TLN2: variants seen among roughly 807,000 people sequenced by gnomAD.
TLN2 encodes talin 2.
A neutral mutation model predicts 294.7 loss-of-function variants in TLN2; 118 were observed. The observed-to-expected ratio is 0.40, with a 90% CI of 0.34 to 0.47. The LOEUF is 0.47. TLN2 is among the 20% of genes least tolerant of loss of function. The pLI, the probability that TLN2 is intolerant of heterozygous loss-of-function variation, is 0.84. For synonymous variants in TLN2, 1,431 were observed against 1,304.5 expected (o/e 1.10, Z -2.09); for missense variants, 3,083 against 3,282.2 (o/e 0.94, Z 1.48).
chr15:62,650,119 C>T lies in TLN2; in HGVS notation c.172C>T (p.Pro58Ser), dbSNP rs368922521. The change falls in exon 5 of 59, where the codon CCG (proline) becomes TCG (serine). Residue 58 changes from proline to serine, a missense_variant. Transcript: ENST00000636159. ...DYGLFLSDED[P>S]RKGIWLEAGR... is the part of the protein sequence containing the mutation. ...TGGACTCTTTCTTTCGGATGAAGAC[C>T]CGAGGAAAGGGATTTGGCTGGAAGC... 58 of 1,614,036 alleles carry T rather than the reference C, an allele frequency of 3.6e-5. No homozygotes were observed. The African/African-American group carries it at 6.3e-4, about 17-fold the overall frequency.
At chr15:62,710,765 G>A (rs1168670102) in intron 21 of TLN2, among the ~76,000 whole-genome samples, 30 of 24,832 alleles carry the variant, frequency 1.2e-3, no homozygotes, top group Non-Finnish European at 6.0e-3. Flanking sequence ...TTGCTCTGTT[G>A]CCCAGGCTGG....
At chr15:62,778,495 A>G (rs2063877034) in intron 43 of TLN2, among the ~76,000 whole-genome samples, 1 of 152,212 alleles carries the variant, frequency 6.6e-6, no homozygotes, top group African/African-American at 2.4e-5. Flanking sequence ...GGGAGAAGAT[A>G]TTTTTCAGTA....
At chr15:62,529,509 C>G (rs1278588184) in intron 1 of TLN2, among the ~76,000 whole-genome samples, 2 of 151,404 alleles carry the variant, frequency 1.3e-5, no homozygotes, top group African/African-American at 4.9e-5. Flanking sequence ...CAATCCCTGC[C>G]CCTCCCTTGC....
chr15:62,669,385 A>G (rs1306783247), intron 9 of TLN2, among the ~76,000 whole-genome samples: 1 of 152,010 alleles, frequency 6.6e-6, no homozygotes, highest in African/African-American at 2.4e-5. Flanking sequence ...CGAACTTTCA[A>G]CCTCTCATGG....
chr15:62,820,626 T>A lies in TLN2; in HGVS notation c.7002+16T>A. 6.2e-7 allele frequency: 1 copy of A among 1,610,306 alleles called. No individual in the cohort carries two copies. Among genetic ancestry groups the A allele is most frequent in the Non-Finnish European group, 8.5e-7 (1 of 1,177,768 alleles). ...AAAACCAAAAGTAAGTGTTCATTTATGGTTGGCTGTCCGATGTCAGTGGGT... is the reference window on the plus strand; with the variant it reads ...AAAACCAAAAGTAAGTGTTCATTTAAGGTTGGCTGTCCGATGTCAGTGGGT... On this transcript the variant is annotated intron_variant, in intron 54 of 58. Coordinates refer to ENST00000636159, the MANE Select transcript of TLN2 (RefSeq NM_015059.3).
chr15:62,804,335 C>A (rs1047134570), intron 50 of TLN2, among the ~76,000 whole-genome samples: 1 of 152,174 alleles, frequency 6.6e-6, no homozygotes, highest in Non-Finnish European at 1.5e-5. Flanking sequence ...TGGCAGCGCA[C>A]GCCTGTAATT....
intron 51 of TLN2, among the ~76,000 whole-genome samples, chr15:62,808,080 C>T (rs2066419910): frequency 6.6e-6 from 1 of 151,860 alleles, no homozygotes; most frequent in Non-Finnish European, 1.5e-5. Flanking sequence ...TCCCTGGTTA[C>T]CCTACTCAGC....
intron 22 of TLN2, among the ~76,000 whole-genome samples, chr15:62,715,572 A>G (rs2059712091): frequency 6.6e-6 from 1 of 152,216 alleles, no homozygotes; most frequent in East Asian, 1.9e-4. Context: ...ATCTAAATAA[A>G]ATCCACTTAG....
Position 62,739,556 on chromosome 15 carries a change from A to G in TLN2, c.3885+11A>G, listed in dbSNP as rs1051787915. On this transcript the variant is annotated intron_variant, in intron 31 of 58. Transcript: ENST00000636159. ...GCTGGCCAAGCTCAGGTGGGTGTGG[A>G]GGTGGTTGTCTGGAGTTGACCTTAG... is the stretch of plus-strand genomic sequence containing the variant. 1 of 1,613,758 alleles carries G rather than the reference A, an allele frequency of 6.2e-7. No individual in the cohort carries two copies. The highest frequency in any genetic ancestry group is 8.5e-7 in the Non-Finnish European group (1 of 1,179,924).
At chr15:62,477,433 T>C (rs892496259) in intron 1 of TLN2, among the ~76,000 whole-genome samples, 1 of 152,192 alleles carries the variant, frequency 6.6e-6, no homozygotes, top group Non-Finnish European at 1.5e-5. Context: ...CCTTGGAGTC[T>C]CTTCTAGCTG....
chr15:62,705,643 C>CCT (rs2059013830), intron 19 of TLN2, among the ~76,000 whole-genome samples: 1 of 152,180 alleles, frequency 6.6e-6, no homozygotes, highest in Non-Finnish European at 1.5e-5. Context: ...AATACTATGA[C>CCT]CTACTTTGGA....
At chr15:62,703,072 C>G (rs2058814543) in intron 19 of TLN2, among the ~76,000 whole-genome samples, 1 of 151,260 alleles carries the variant, frequency 6.6e-6, no homozygotes, top group South Asian at 2.1e-4. Flanking sequence ...CACCATGCGT[C>G]ATCATTGTAA....
At chr15:62,734,260 C>T (rs75319210) in intron 28 of TLN2, among the ~76,000 whole-genome samples, 4 of 152,140 alleles carry the variant, frequency 2.6e-5, no homozygotes, top group Non-Finnish European at 5.9e-5. Context: ...ATTTACTCCT[C>T]CAAACTTACA....
At chr15:62,416,827 T>TG (rs1306579450) in intron 1 of TLN2, among the ~76,000 whole-genome samples, 1 of 151,974 alleles carries the variant, frequency 6.6e-6, no homozygotes, top group African/African-American at 2.4e-5. Context: ...GTAAGGGTGT[T>TG]GATCTTTGAT....
At chr15:62,708,426 A>T in intron 20 of TLN2, 76 bp from the exon 21 acceptor site, 1 of 1,502,358 alleles carries the variant, frequency 6.7e-7, no homozygotes, top group Non-Finnish European at 9.1e-7. Context: ...AAGGGCTTTG[A>T]TGGGACTGCG....
chr15:62,474,712 C>T (rs1227781688), intron 1 of TLN2, among the ~76,000 whole-genome samples: 5 of 152,114 alleles, frequency 3.3e-5, no homozygotes, highest in African/African-American at 4.8e-5. Flanking sequence ...AGGCTGTTGA[C>T]GATTCCTTGA....
At chr15:62,495,123 C>T (rs1378078957) in intron 1 of TLN2, among the ~76,000 whole-genome samples, 3 of 152,202 alleles carry the variant, frequency 2.0e-5, no homozygotes, top group Non-Finnish European at 4.4e-5. Flanking sequence ...GCAATGCCTT[C>T]TCAGTCTCCT....
intron 1 of TLN2, among the ~76,000 whole-genome samples, chr15:62,533,986 T>C (rs1425127167): frequency 6.6e-6 from 1 of 152,182 alleles, no homozygotes; most frequent in East Asian, 1.9e-4. Flanking sequence ...GGCTCTGGGA[T>C]GGGGTTACTC....
chr15:62,503,813 C>G (rs1055633856), intron 1 of TLN2, among the ~76,000 whole-genome samples: 1 of 152,230 alleles, frequency 6.6e-6, no homozygotes, highest in Non-Finnish European at 1.5e-5. Flanking sequence ...CCTCACTTAG[C>G]TTCTGGGAGC....
Sources: gnomAD v4.1 joint callset for allele counts (sites outside exome capture counted in the v4.1 genomes callset) on GRCh38, gnomAD v4.1.1 for gene constraint, MANE v1.5 for transcripts, NCBI Gene and HGNC (gene_info 2026-07-23, HGNC 2026-07-21) for gene names.